ZBTB49: variants seen among roughly 807,000 people sequenced by gnomAD.
ZBTB49 encodes the protein zinc finger and BTB domain-containing protein 49.
In ZBTB49, 43 loss-of-function variants were observed where a neutral mutation model predicts 57.5. That is an observed-to-expected ratio of 0.75 (90% confidence interval 0.59 to 0.97). The LOEUF (loss-of-function observed/expected upper bound fraction) is 0.97. Among genes scored for constraint, ZBTB49 ranks in the 50% least tolerant of loss-of-function variants. The pLI, the probability that ZBTB49 is intolerant of heterozygous loss-of-function variation, is 0.00. For missense variants in ZBTB49, 938 were observed against 947.7 expected, an observed-to-expected ratio of 0.99 and a Z score of 0.13; for synonymous variants, 369 against 362.1, an observed-to-expected ratio of 1.02 and a Z score of -0.22.
At chr4:4,296,932 T>C (rs1720230404) in intron 1 of ZBTB49, among the ~76,000 whole-genome samples, 1 of 152,094 alleles carries the variant, frequency 6.6e-6, no homozygotes, top group Non-Finnish European at 1.5e-5. Flanking sequence ...AAGGTTCATC[T>C]TGGGAAGGAG....
At chr4:4,314,516 C>A (rs1367142865) in intron 5 of ZBTB49, among the ~76,000 whole-genome samples, 3 of 152,196 alleles carry the variant, frequency 2.0e-5, no homozygotes, top group African/African-American at 7.2e-5. Context: ...GGATTGTAGG[C>A]ATGTGCCACC....
rs76783116 is a variant in ZBTB49, at chr4:4,306,817, T to A, written c.1302+633T>A. On this transcript the variant is annotated intron_variant, in intron 4 of 7. Transcript: ENST00000337872. ...AACAGAAGGTAACTATTCACCGCCA[T>A]GTGCAGTGCCCTGGGCTTCCAGAGG... is the stretch of plus-strand genomic sequence containing the variant. Among the ~76,000 whole-genome samples, 1,333 of 152,338 alleles carry A rather than the reference T, an allele frequency of 8.8e-3. 24 individuals carry two copies. Among genetic ancestry groups the A allele is most frequent in the African/African-American group, 0.031 (1,273 of 41,580 alleles).
intron 1 of ZBTB49, among the ~76,000 whole-genome samples, chr4:4,297,465 G>A (rs1314476856): frequency 6.6e-6 from 1 of 152,134 alleles, no homozygotes; most frequent in Non-Finnish European, 1.5e-5. Flanking sequence ...AGATCACAGA[G>A]GAGCAACCCC....
chr4:4,308,481 G>A (rs1720835979), intron 4 of ZBTB49, among the ~76,000 whole-genome samples: 1 of 152,152 alleles, frequency 6.6e-6, no homozygotes, highest in South Asian at 2.1e-4. Context: ...TCTTACCAAG[G>A]GTAGCCCTGC....
At chr4:4,312,417 C>A (rs1577244897) in intron 4 of ZBTB49, among the ~76,000 whole-genome samples, 1 of 152,150 alleles carries the variant, frequency 6.6e-6, no homozygotes, top group Non-Finnish European at 1.5e-5. Flanking sequence ...CAGTGTTATT[C>A]TTCGCAAAGC....
At chr4:4,311,845 A>G (rs1264896875) in intron 4 of ZBTB49, among the ~76,000 whole-genome samples, 1 of 152,188 alleles carries the variant, frequency 6.6e-6, no homozygotes, top group Non-Finnish European at 1.5e-5. Flanking sequence ...AGCCACATTT[A>G]TCATATTCTT....
At chr4:4,303,760 C>CTCTCTCTCTCTCTGTGTGTGTGTGTGTG (rs1223289249) in intron 3 of ZBTB49, among the ~76,000 whole-genome samples, 53 of 121,406 alleles carry the variant, frequency 4.4e-4, no homozygotes, top group African/African-American at 1.7e-3. Context: ...CTCTCTCTCT[C>CTCTCTCTCTCTCTGTGTGTGTGTGTGTG]TGTGTGTGTG....
intron 5 of ZBTB49, among the ~76,000 whole-genome samples, chr4:4,313,963 C>G (rs1448293345): frequency 1.3e-5 from 2 of 152,248 alleles, no homozygotes; most frequent in African/African-American, 2.4e-5. Context: ...AGTACAGAGT[C>G]TCTGCCTGTC....
In ZBTB49 at chr4:4,319,485, A is replaced by G. The variant is rs140089000; in HGVS notation, c.1622-1155A>G. Among the ~76,000 whole-genome samples the G allele has an allele frequency of 2.9e-3, 449 of 152,322 alleles. 2 individuals are homozygous for G. Among genetic ancestry groups the G allele is most frequent in the Non-Finnish European group, 3.2e-3 (218 of 68,032 alleles). Reference sequence around the variant, plus strand: ...TTACCTTTACCATATTCACAGAGAAAGAAAATAGAACCTGGACAGGAATGC... The same window carrying G: ...TTACCTTTACCATATTCACAGAGAAGGAAAATAGAACCTGGACAGGAATGC... On this transcript the variant is annotated intron_variant, in intron 7 of 7. Coordinates refer to ENST00000337872, the MANE Select transcript of ZBTB49 (RefSeq NM_145291.4).
At chr4:4,318,121 CCCT>C (rs1459154343) in intron 7 of ZBTB49, among the ~76,000 whole-genome samples, 1 of 152,156 alleles carries the variant, frequency 6.6e-6, no homozygotes, top group Non-Finnish European at 1.5e-5. Flanking sequence ...TTCCCCTGTG[CCCT>C]CCTCGCGATG....
chr4:4,296,764 G>A (rs1348854305), intron 1 of ZBTB49, among the ~76,000 whole-genome samples: 1 of 152,182 alleles, frequency 6.6e-6, no homozygotes, highest in African/African-American at 2.4e-5. Flanking sequence ...GGAACCTAGG[G>A]GGAGGGCTTT....
intron 1 of ZBTB49, among the ~76,000 whole-genome samples, chr4:4,296,525 C>T (rs996806685): frequency 1.3e-5 from 2 of 152,218 alleles, no homozygotes; most frequent in African/African-American, 4.8e-5. Context: ...ATGACTTGCT[C>T]CTCCTTGCCT....
chr4:4,311,173 G>A (rs576312598), intron 4 of ZBTB49, among the ~76,000 whole-genome samples: 50 of 152,264 alleles, frequency 3.3e-4, no homozygotes, highest in African/African-American at 1.2e-3. Flanking sequence ...AATATTAAAT[G>A]GAAGATCATT....
chr4:4,318,752 C>T (rs189917761), intron 7 of ZBTB49, among the ~76,000 whole-genome samples: 3 of 152,308 alleles, frequency 2.0e-5, no homozygotes, highest in African/African-American at 7.2e-5. Flanking sequence ...AAGGACAACA[C>T]AGAAACTAAA....
At chr4:4,318,892 AT>A (rs1378872999) in intron 7 of ZBTB49, among the ~76,000 whole-genome samples, 4 of 78,920 alleles carry the variant, frequency 5.1e-5, no homozygotes, top group Non-Finnish European at 9.6e-5. Flanking sequence ...GTTTTTTTTA[AT>A]CTTTTTTTTT....
Position 4,315,664 on chromosome 4 carries a change from C to T in ZBTB49, c.1405C>T (p.His469Tyr). Reference sequence around the variant, plus strand: ...TGCAGCCTCTGGCGACGTCCAGCGTCACATTATTATTCACTCAGGAGAAAA... The same window carrying T: ...TGCAGCCTCTGGCGACGTCCAGCGTTACATTATTATTCACTCAGGAGAAAA... ...RFAASGDVQR[H>Y]IIIHSGEKPH... Residue 469 changes from histidine (H) to tyrosine (Y), a missense_variant, in exon 6 of 8, where the codon CAC becomes TAC. Around this residue, in one of 3 missense-constraint regions of ZBTB49, gnomAD observed 835 missense variants for 819.1 expected, o/e 1.02. Coordinates refer to ENST00000337872, the MANE Select transcript of ZBTB49 (RefSeq NM_145291.4). The T allele has an allele frequency of 6.2e-7, 1 of 1,614,184 alleles. No individual in the cohort carries two copies. The highest frequency in any genetic ancestry group is 8.5e-7 in the Non-Finnish European group (1 of 1,180,038).
intron 7 of ZBTB49, 75 bp downstream of exon 7, chr4:4,316,045 G>C (rs946508429): frequency 4.8e-5 from 75 of 1,559,354 alleles, no homozygotes; most frequent in Middle Eastern, 3.5e-4. Flanking sequence ...CTCATTAGCT[G>C]AGTGCGTGTC....
Position 4,300,025 on chromosome 4 carries a change from G to C in ZBTB49, c.80G>C (p.Cys27Ser), listed in dbSNP as rs755665800. The change falls in exon 2 of 8, where the codon TGT becomes TCT. Residue 27 changes from cysteine (C) to serine (S), a missense_variant. Transcript: ENST00000337872. ...CGAATCCAAGGCCTGCTTTGTGACT[G>C]TATGTTGGTGGTAAAAGGAGTCTGC... ...EQRIQGLLCD[C>S]MLVVKGVCFK... 4.3e-6 allele frequency: 7 copies of C among 1,614,086 alleles called. No individual in the cohort carries two copies. The highest frequency in any genetic ancestry group is 5.9e-6 in the Non-Finnish European group (7 of 1,180,034).
In ZBTB49 at chr4:4,290,254, G is replaced by A. The variant is rs1719817650; in HGVS notation, c.-118G>A. 1 of 152,346 alleles carries A rather than the reference G, an allele frequency of 6.6e-6. No individual in the cohort carries two copies. The highest frequency in any genetic ancestry group is 2.1e-4 in the South Asian group (1 of 4,838). 9.4% of individuals were successfully genotyped at this position (152,346 alleles called of 1,614,324 possible). On this transcript the variant is annotated 5_prime_UTR_variant, in exon 1 of 8. Coordinates refer to ENST00000337872, the MANE Select transcript of ZBTB49 (RefSeq NM_145291.4). ...GGTTCCGGCAAGCCAAGGGGGCGTT[G>A]TCGTGATGATTCCGCGGCCAGCGGA... is the stretch of plus-strand genomic sequence containing the variant.
Sources: allele counts gnomAD v4.1 joint callset (sites outside exome capture counted in the v4.1 genomes callset), GRCh38; gene constraint gnomAD v4.1.1; regional missense constraint gnomAD v4.1.1; transcripts MANE v1.5; gene names NCBI Gene and HGNC (gene_info 2026-07-23, HGNC 2026-07-21).